UBA6: variants seen among roughly 807,000 people sequenced by gnomAD.
The protein encoded by UBA6 is ubiquitin like modifier activating enzyme 6.
A neutral mutation model predicts 148.3 loss-of-function variants in UBA6; 87 were observed. That is an observed-to-expected ratio of 0.59 (90% CI 0.49 to 0.70). The LOEUF (loss-of-function observed/expected upper bound fraction) is 0.70, where lower values mean the gene tolerates loss of function less well. Ranked by LOEUF, UBA6 falls within the 30% of genes least tolerant of loss-of-function variation. UBA6 has a pLI of 0.00. For synonymous variants in UBA6, 376 were observed against 401.0 expected (o/e 0.94, Z 0.75); for missense variants, 1,186 against 1,241.2 (o/e 0.96, Z 0.67).
At chr4:67,688,628 C>T (rs1730625413) in intron 2 of UBA6, among the ~76,000 whole-genome samples, 1 of 152,026 alleles carries the variant, frequency 6.6e-6, no homozygotes, top group Non-Finnish European at 1.5e-5. Context: ...GATCAGTAAA[C>T]TATGAGGTGG....
At chr4:67,654,979 A>T (rs1729650655) in intron 13 of UBA6, among the ~76,000 whole-genome samples, 4 of 152,252 alleles carry the variant, frequency 2.6e-5, no homozygotes, top group African/African-American at 7.2e-5. Context: ...GATCAATTCA[A>T]CAAGAAGAGC....
At chr4:67,694,215 CAAAAAAAAAAAAAAA>C (rs769649769) in intron 2 of UBA6, among the ~76,000 whole-genome samples, 3 of 41,854 alleles carry the variant, frequency 7.2e-5, no homozygotes, top group Non-Finnish European at 1.2e-4. Flanking sequence ...GACTCCATCT[CAAAAAAAAAAAAAAA>C]AAAAAAAAAA....
chr4:67,658,470 G>T (rs1560490182), intron 13 of UBA6, among the ~76,000 whole-genome samples: 1 of 152,124 alleles, frequency 6.6e-6, no homozygotes, highest in Non-Finnish European at 1.5e-5. Context: ...AATACCACGT[G>T]TTCTCACTTA....
At chr4:67,652,419 T>C (rs920360853) in intron 13 of UBA6, among the ~76,000 whole-genome samples, 1 of 152,192 alleles carries the variant, frequency 6.6e-6, no homozygotes, top group Admixed American at 6.5e-5. Flanking sequence ...TTTAAAATCA[T>C]ATAAACAGAC....
rs569114165 is a variant in UBA6 at position 67,653,317 on chromosome 4, C to T, written c.1105-4106G>A. 2.0e-4 allele frequency among the ~76,000 whole-genome samples: 31 copies of T among 152,240 alleles called. No individual in the cohort carries two copies. The East Asian group carries it at 5.2e-3, about 26-fold the overall frequency. On this transcript the variant is annotated intron_variant, in intron 13 of 32. Transcript: ENST00000322244. ...CATACAGGTGGGTGCCCCTCTGGGA[C>T]GAAGCTTCCAGAGGAAGGATCAGGC...
chr4:67,680,215 GAAAAGAATGAT>G (rs2109949018), intron 4 of UBA6, among the ~76,000 whole-genome samples: 1 of 152,180 alleles, frequency 6.6e-6, no homozygotes, highest in East Asian at 1.9e-4. Context: ...TAATAAATGA[GAAAAGAATGAT>G]AAAACATCAT....
chr4:67,696,508 CATAT>C, intron 2 of UBA6, 133 bp downstream of exon 2: 1 of 590,634 alleles, frequency 1.7e-6, no homozygotes, highest in Non-Finnish European at 3.0e-6. Flanking sequence ...TACACACATA[CATAT>C]ATACATACAC....
At chr4:67,651,518 A>T (rs1729553733) in intron 13 of UBA6, among the ~76,000 whole-genome samples, 1 of 152,210 alleles carries the variant, frequency 6.6e-6, no homozygotes, top group South Asian at 2.1e-4. Flanking sequence ...CTGATTTTTC[A>T]ACAGTAAAAT....
chr4:67,699,881 A>T (rs888804324), intron 1 of UBA6, among the ~76,000 whole-genome samples: 3 of 152,176 alleles, frequency 2.0e-5, no homozygotes, highest in Non-Finnish European at 4.4e-5. Flanking sequence ...TGGGATTGCA[A>T]GCGTTTGAGC....
At chr4:67,637,309 G>A (rs1227215846) in intron 19 of UBA6, among the ~76,000 whole-genome samples, 1 of 149,344 alleles carries the variant, frequency 6.7e-6, no homozygotes, top group Non-Finnish European at 1.5e-5. Context: ...CCGTCCGGGA[G>A]GGAGGTGGGG....
At chr4:67,627,540 C>G (rs1728896302) in intron 27 of UBA6, among the ~76,000 whole-genome samples, 1 of 151,918 alleles carries the variant, frequency 6.6e-6, no homozygotes, top group African/African-American at 2.4e-5. Flanking sequence ...TCCTTGGCTT[C>G]TCTCTAGTTT....
Position 67,619,010 on chromosome 4 carries a change from T to C in UBA6, c.3146A>G (p.His1049Arg). The change falls in exon 33 of 33, where the codon CAT becomes CGT. Residue 1049 changes from histidine (H) to arginine (R), a missense_variant. By Grantham distance (29) the His-to-Arg change is conservative. Coordinates refer to ENST00000322244, the MANE Select transcript of UBA6 (RefSeq NM_018227.6). The stretch of plus-strand genomic sequence containing the variant: ...AGACAACTTGTATTAATCAGTGTCA[T>C]GACTGAAGTAGTATCTTACTGGAGG... ...PGPPVRYYFS[H>R]DTD 6.2e-7 allele frequency: 1 copy of C among 1,613,908 alleles called. No individual in the cohort carries two copies. Among genetic ancestry groups the C allele is most frequent in the Non-Finnish European group, 8.5e-7 (1 of 1,179,922 alleles).
intron 19 of UBA6, among the ~76,000 whole-genome samples, chr4:67,637,529 T>C (rs1018445305): frequency 2.0e-4 from 30 of 152,084 alleles, no homozygotes; most frequent in African/African-American, 6.5e-4. Context: ...AGAAATCAGA[T>C]TGTTGCTGTG....
At chr4:67,631,302 G>A (rs1728992042) in intron 25 of UBA6, among the ~76,000 whole-genome samples, 2 of 152,146 alleles carry the variant, frequency 1.3e-5, no homozygotes, top group South Asian at 4.1e-4. Flanking sequence ...TTCACACAAA[G>A]ACCAACTCCT....
intron 2 of UBA6, among the ~76,000 whole-genome samples, chr4:67,694,298 C>A (rs1213927200): frequency 5.6e-5 from 6 of 106,314 alleles, no homozygotes; most frequent in South Asian, 2.5e-4. Context: ...AAAAAAAAAA[C>A]CCTCAAACAT....
intron 11 of UBA6, 147 bp downstream of exon 11, chr4:67,663,738 T>C: frequency 1.8e-6 from 1 of 545,654 alleles, no homozygotes; most frequent in East Asian, 3.0e-5. Flanking sequence ...CAACTTTAGA[T>C]ATGTGAGTAT....
intron 4 of UBA6, among the ~76,000 whole-genome samples, chr4:67,680,210 A>T (rs927777071): frequency 1.3e-5 from 2 of 152,198 alleles, no homozygotes; most frequent in Non-Finnish European, 2.9e-5. Context: ...CCAGCTAATA[A>T]ATGAGAAAAG....
intron 32 of UBA6, among the ~76,000 whole-genome samples, chr4:67,619,416 C>T (rs538664255): frequency 2.6e-5 from 4 of 152,338 alleles, no homozygotes; most frequent in East Asian, 3.9e-4. Context: ...TGGCTCACGC[C>T]TGTAATCCCA....
intron 2 of UBA6, 149 bp downstream of exon 2, chr4:67,696,496 T>G: frequency 1.8e-6 from 1 of 552,048 alleles, no homozygotes; most frequent in East Asian, 2.9e-5. Context: ...CACACATATA[T>G]ATACACACAT....
Sources: gnomAD v4.1 joint callset for allele counts (sites outside exome capture counted in the v4.1 genomes callset) on GRCh38, gnomAD v4.1.1 for gene constraint, MANE v1.5 for transcripts, NCBI Gene and HGNC (gene_info 2026-07-23, HGNC 2026-07-21) for gene names.